The following ROBO1 variants were observed in gnomAD, a reference collection of about 807,000 sequenced individuals.
ROBO1 encodes the protein roundabout guidance receptor 1.
A neutral mutation model predicts 195.9 loss-of-function variants in ROBO1; 149 were observed. The ratio of observed to expected loss-of-function variants is 0.76; its 90% confidence interval spans 0.67 to 0.87. ROBO1 has a LOEUF of 0.87. ROBO1 is among the 40% of genes least tolerant of loss of function. The probability of loss-of-function intolerance (pLI) is 0.00; values close to 1 mark genes in which losing one functional copy is unlikely to be tolerated. For synonymous variants in ROBO1, 816 were observed against 733.2 expected (o/e 1.11, Z -1.82); for missense variants, 1,933 against 2,068.3 (o/e 0.93, Z 1.27).
At chr3:78,906,523 G>A (rs2037931164) in intron 4 of ROBO1, among the ~76,000 whole-genome samples, 1 of 152,070 alleles carries the variant, frequency 6.6e-6, no homozygotes, top group Non-Finnish European at 1.5e-5. Context: ...AAATCAGGAG[G>A]TTTAGACTCA....
intron 2 of ROBO1, among the ~76,000 whole-genome samples, chr3:79,398,912 A>C (rs1413264587): frequency 6.6e-6 from 1 of 152,112 alleles, no homozygotes; most frequent in African/African-American, 2.4e-5. Flanking sequence ...TGCTTTATAC[A>C]TAAAAAGTAT....
At chr3:79,047,530 G>A (rs1045313171) in intron 3 of ROBO1, among the ~76,000 whole-genome samples, 4 of 152,196 alleles carry the variant, frequency 2.6e-5, no homozygotes, top group African/African-American at 4.8e-5. Flanking sequence ...TCATCTTTTC[G>A]TGAATATCTT....
At chr3:79,373,189 A>T (rs1314551751) in intron 2 of ROBO1, among the ~76,000 whole-genome samples, 1 of 152,208 alleles carries the variant, frequency 6.6e-6, no homozygotes, top group Non-Finnish European at 1.5e-5. Flanking sequence ...TCTGTTCCAT[A>T]TTTGTAACTA....
chr3:79,615,016 T>C (rs527524631), intron 1 of ROBO1, among the ~76,000 whole-genome samples: 1 of 152,218 alleles, frequency 6.6e-6, no homozygotes, highest in African/African-American at 2.4e-5. Flanking sequence ...ACCCCTCCTG[T>C]CTGTCAAGGG....
At chr3:79,426,833 G>A (rs1313229710) in intron 2 of ROBO1, among the ~76,000 whole-genome samples, 3 of 151,936 alleles carry the variant, frequency 2.0e-5, no homozygotes, top group African/African-American at 7.3e-5. Context: ...GTCAAATATA[G>A]GTCTTAACCA....
intron 1 of ROBO1, among the ~76,000 whole-genome samples, chr3:79,696,489 T>C (rs1947453332): frequency 6.7e-6 from 1 of 150,106 alleles, no homozygotes; most frequent in Non-Finnish European, 1.5e-5. Flanking sequence ...CAGGTATATA[T>C]ACAGATATAT....
intron 18 of ROBO1, among the ~76,000 whole-genome samples, chr3:78,653,905 A>G (rs1417825776): frequency 6.6e-6 from 1 of 152,226 alleles, no homozygotes; most frequent in African/African-American, 2.4e-5. Context: ...ACCCACAACC[A>G]AATTCTCCAA....
At chr3:79,655,039 A>C (rs1946119723) in intron 1 of ROBO1, among the ~76,000 whole-genome samples, 2 of 151,968 alleles carry the variant, frequency 1.3e-5, no homozygotes, top group African/African-American at 4.8e-5. Context: ...TTAATAGCAC[A>C]CTGCTTTATA....
At chr3:79,614,208 A>G (rs982597403) in intron 1 of ROBO1, among the ~76,000 whole-genome samples, 1 of 152,104 alleles carries the variant, frequency 6.6e-6, no homozygotes, top group Non-Finnish European at 1.5e-5. Context: ...ATTATTTTCA[A>G]CTACACATGA....
chr3:79,451,741 T>C (rs184222142), intron 2 of ROBO1, among the ~76,000 whole-genome samples: 1 of 152,104 alleles, frequency 6.6e-6, no homozygotes, highest in East Asian at 1.9e-4. Context: ...TTACAGCATC[T>C]CAGACTGACT....
intron 5 of ROBO1, among the ~76,000 whole-genome samples, chr3:78,741,868 G>A (rs1361917884): frequency 2.0e-5 from 3 of 151,992 alleles, no homozygotes; most frequent in Admixed American, 6.6e-5. Context: ...ATCATTTAAG[G>A]CCTCTTTCAA....
chr3:78,945,665 T>C (rs963490380), intron 3 of ROBO1, among the ~76,000 whole-genome samples: 3 of 152,146 alleles, frequency 2.0e-5, no homozygotes, highest in Non-Finnish European at 4.4e-5. Context: ...CAAAACTGGA[T>C]GGAGAATGAC....
intron 2 of ROBO1, among the ~76,000 whole-genome samples, chr3:79,219,618 A>G (rs1392147777): frequency 6.6e-6 from 1 of 152,034 alleles, no homozygotes; most frequent in Non-Finnish European, 1.5e-5. Flanking sequence ...ATGAACAAGC[A>G]TATCATTTAA....
intron 1 of ROBO1, among the ~76,000 whole-genome samples, chr3:79,755,796 C>T (rs2107497514): frequency 6.6e-6 from 1 of 152,210 alleles, no homozygotes; most frequent in East Asian, 1.9e-4. Context: ...AGCAGATGCT[C>T]CATAATCTGC....
chr3:78,973,454 CTATATATATAAGAAGCTATATATATAT>C (rs1240967666), intron 3 of ROBO1, among the ~76,000 whole-genome samples: 42 of 139,840 alleles, frequency 3.0e-4, no homozygotes, highest in East Asian at 6.4e-4. Context: ...ATACAAGAAG[CTATATATATAAGAAGCTATATATATAT>C]TATATATATA....
intron 3 of ROBO1, among the ~76,000 whole-genome samples, chr3:78,990,567 TG>T (rs2077213921): frequency 6.6e-6 from 1 of 152,162 alleles, no homozygotes; most frequent in South Asian, 2.1e-4. Flanking sequence ...GTATTGTACT[TG>T]GCACAGGAGA....
intron 3 of ROBO1, among the ~76,000 whole-genome samples, chr3:79,109,269 T>C (rs1038957837): frequency 1.3e-5 from 2 of 151,928 alleles, no homozygotes; most frequent in African/African-American, 4.8e-5. Context: ...ACATTTGACA[T>C]ACACAGTATG....
intron 1 of ROBO1, among the ~76,000 whole-genome samples, chr3:79,703,654 C>A (rs1030818384): frequency 3.3e-5 from 5 of 151,908 alleles, no homozygotes; most frequent in African/African-American, 9.7e-5. Context: ...TTGTAAAAAT[C>A]TGTGTGGTCT....
At chr3:78,688,937 G>C (rs918583847) in intron 8 of ROBO1, among the ~76,000 whole-genome samples, 165 bp from the exon 9 acceptor site, 1 of 152,162 alleles carries the variant, frequency 6.6e-6, no homozygotes, top group Non-Finnish European at 1.5e-5. Flanking sequence ...AAAATGTTAA[G>C]TTCATAGTTA....
Sources: allele counts gnomAD v4.1 joint callset (sites outside exome capture counted in the v4.1 genomes callset), GRCh38; gene constraint gnomAD v4.1.1; transcripts MANE v1.5; gene names NCBI Gene and HGNC (gene_info 2026-07-23, HGNC 2026-07-21).